Variants in SV2B observed in about 807,000 individuals in gnomAD.
The protein encoded by SV2B is solute carrier family 22 member B2.
Under a neutral mutation model 73.9 loss-of-function variants are expected in SV2B, and 41 were observed. The ratio of observed to expected loss-of-function variants is 0.56; its 90% confidence interval spans 0.43 to 0.72. SV2B has a LOEUF of 0.72. Among genes scored for constraint, SV2B ranks in the 30% least tolerant of loss-of-function variants. The pLI is 0.00. For synonymous variants in SV2B, 314 were observed against 314.2 expected, an observed-to-expected ratio of 1.00 and a Z score of 0.01; for missense variants, 764 against 857.8, an observed-to-expected ratio of 0.89 and a Z score of 1.37.
intron 1 of SV2B, among the ~76,000 whole-genome samples, chr15:91,155,015 A>AT (rs1253939107): frequency 1.3e-5 from 2 of 152,100 alleles, no homozygotes; most frequent in Non-Finnish European, 2.9e-5. Context: ...CCTATTACTG[A>AT]TTTTTTGTTA....
rs184353264 is a variant in SV2B at position 91,202,155 on chromosome 15, G to A, written c.-391-23718G>A. Among the ~76,000 whole-genome samples the A allele has an allele frequency of 3.5e-3, 535 of 152,124 alleles. 1 individual carries two copies. The highest frequency in any genetic ancestry group is 0.014 in the Middle Eastern group (4 of 294). On this transcript the variant is annotated intron_variant, in intron 1 of 12. Coordinates refer to ENST00000394232, the MANE Select transcript of SV2B (RefSeq NM_001323032.3). ...AAATAGCCCCATCCCTGCCCCCGTC[G>A]CCTCTGGTCTTCCCTAACCTGCTTA... is the stretch of plus-strand genomic sequence containing the variant.
In SV2B at chr15:91,128,184, G is replaced by A. The variant is rs958384293; in HGVS notation, c.-392+27821G>A. Among the ~76,000 whole-genome samples the A allele has an allele frequency of 1.3e-5, 2 of 152,146 alleles. No individual in the cohort carries two copies. The highest frequency in any genetic ancestry group is 2.4e-5 in the African/African-American group (1 of 41,440). Reference sequence around the variant, plus strand: ...TCACCAACTCAGCTCTTTGTGTAGCGGAGATTTTCAGTCCCTCCTGGGAGC... The same window carrying A: ...TCACCAACTCAGCTCTTTGTGTAGCAGAGATTTTCAGTCCCTCCTGGGAGC... On this transcript the variant is annotated intron_variant, in intron 1 of 12. Transcript: ENST00000394232. This position sits in a 1 kb window ranked among gnomAD's most constrained non-coding sequence, Gnocchi z 4.2.
rs759983195 is a variant in SV2B at position 91,251,879 on chromosome 15, A to C, written c.512A>C (p.Lys171Thr). 41 of 1,613,994 alleles carry C rather than the reference A, an allele frequency of 2.5e-5. No individual in the cohort carries two copies. The South Asian group carries it at 4.3e-4, about 17-fold the overall frequency. The change falls in exon 3 of 13, where the codon AAG becomes ACG. Residue 171 changes from lysine to threonine, a missense_variant. Lys to Thr is a moderately conservative substitution (Grantham distance 78, BLOSUM62 -1). Transcript: ENST00000394232. Reference sequence around the variant, plus strand: ...TTCATCCTGGGAGGCCTGGCTGATAAGCTGGGAAGGAAGCGAGTCCTCAGC... The same window carrying C: ...TTCATCCTGGGAGGCCTGGCTGATACGCTGGGAAGGAAGCGAGTCCTCAGC... ...GAFILGGLADKLGRKRVLSMS... is the reference protein window; with the variant it reads ...GAFILGGLADTLGRKRVLSMS...
At chr15:91,204,354 G>A (rs910579477) in intron 1 of SV2B, among the ~76,000 whole-genome samples, 2 of 151,950 alleles carry the variant, frequency 1.3e-5, no homozygotes, top group African/African-American at 2.4e-5. Flanking sequence ...AGCCAACTGC[G>A]GCTAGTGCTA....
At position 91,258,700 on chromosome 15, in the gene SV2B, T is replaced by C. The variant is rs1245518936; in HGVS notation, c.918+146T>C. 8 of 1,201,250 alleles carry C rather than the reference T, an allele frequency of 6.7e-6. No homozygotes were observed. Among genetic ancestry groups the C allele is most frequent in the East Asian group, 5.1e-5 (2 of 39,234 alleles). The allele number at this position is 1,201,250 out of a possible 1,614,324, so 74.4% of individuals were successfully genotyped here. ...CCTGGTCGGCTGACCTCACTCATCA[T>C]TGAATCTGGCACCTGCCGGCTGTGA... On this transcript the variant is annotated intron_variant, in intron 5 of 12. Coordinates refer to ENST00000394232, the MANE Select transcript of SV2B (RefSeq NM_001323032.3). This position sits in a 1 kb window ranked among gnomAD's most constrained non-coding sequence, Gnocchi z 4.7.
intron 1 of SV2B, among the ~76,000 whole-genome samples, chr15:91,154,142 T>A (rs1330175992): frequency 6.8e-6 from 1 of 147,952 alleles, no homozygotes; most frequent in Admixed American, 6.8e-5. Context: ...TATTTGATAT[T>A]AATTTATATT....
chr15:91,288,479 T>TGTA lies in SV2B; in HGVS notation c.1709-1037_1709-1035dup, dbSNP rs1262874180. On this transcript the variant is annotated intron_variant, in intron 11 of 12. Transcript: ENST00000394232. The surrounding 1 kb of genome is among the most constrained non-coding windows in gnomAD (Gnocchi z 5.8). ...GTTAGTAACTGTAGTCACCGTGCTG[T>TGTA]GTAGTAGATCTCGAAAAGTGAGATG... is the stretch of plus-strand genomic sequence containing the variant. Among the ~76,000 whole-genome samples, 5 of 152,098 alleles carry TGTA rather than the reference T, an allele frequency of 3.3e-5. No individual in the cohort carries two copies. The highest frequency in any genetic ancestry group is 1.2e-4 in the African/African-American group (5 of 41,396).
chr15:91,231,400 GTTTTCT>G lies in SV2B; in HGVS notation c.451+4687_451+4692del, dbSNP rs925679367. ...TAGAGGAGCAGAATTTTGAGGATGAGTTTTCTGAATTGGTTCTGGGGTTTCTGGAAT... is the reference window on the plus strand; with the variant it reads ...TAGAGGAGCAGAATTTTGAGGATGAGGAATTGGTTCTGGGGTTTCTGGAAT... On this transcript the variant is annotated intron_variant, in intron 2 of 12. Transcript: ENST00000394232. This position sits in a 1 kb window ranked among gnomAD's most constrained non-coding sequence, Gnocchi z 4.5. Among the ~76,000 whole-genome samples the G allele has an allele frequency of 6.6e-6, 1 of 152,106 alleles. No homozygotes were observed. The highest frequency in any genetic ancestry group is 1.5e-5 in the Non-Finnish European group (1 of 68,014).
chr15:91,287,808 G>A (rs2048911167), intron 11 of SV2B, among the ~76,000 whole-genome samples: 1 of 152,198 alleles, frequency 6.6e-6, no homozygotes, highest in African/African-American at 2.4e-5. Context: ...AAACAAATAA[G>A]GCAGGTGAGG....
intron 1 of SV2B, among the ~76,000 whole-genome samples, chr15:91,109,812 T>A (rs55667733): frequency 1.3e-5 from 2 of 151,926 alleles, no homozygotes; most frequent in Admixed American, 6.6e-5. Context: ...TTGGTCTCAC[T>A]GCAACCTCTG....
At position 91,268,426 on chromosome 15, in the gene SV2B, C is replaced by T; in HGVS notation, c.1209-15C>T. 6.2e-7 allele frequency: 1 copy of T among 1,605,084 alleles called. No homozygotes were observed. The highest frequency in any genetic ancestry group is 8.5e-7 in the Non-Finnish European group (1 of 1,173,042). ...ATCCTGTTGTTGTTGCAACCTTCTGCCTTCTCCACTCCAGTTACTATGGAC... is the reference window on the plus strand; with the variant it reads ...ATCCTGTTGTTGTTGCAACCTTCTGTCTTCTCCACTCCAGTTACTATGGAC... On this transcript the variant is annotated splice_polypyrimidine_tract_variant and intron_variant, in intron 8 of 12. Coordinates refer to ENST00000394232, the MANE Select transcript of SV2B (RefSeq NM_001323032.3). This position sits in a 1 kb window ranked among gnomAD's most constrained non-coding sequence, Gnocchi z 4.4.
At position 91,161,092 on chromosome 15, in the gene SV2B, A is replaced by C. The variant is rs79610182; in HGVS notation, c.-392+60729A>C. On this transcript the variant is annotated intron_variant, in intron 1 of 12. Coordinates refer to ENST00000394232, the MANE Select transcript of SV2B (RefSeq NM_001323032.3). ...ATATTGTATGATTCCATTTATACAAAGTTTCTAGAAAACACCAAACATATG... is the reference window on the plus strand; with the variant it reads ...ATATTGTATGATTCCATTTATACAACGTTTCTAGAAAACACCAAACATATG... Among the ~76,000 whole-genome samples, 356 of 152,322 alleles carry C rather than the reference A, an allele frequency of 2.3e-3. 1 individual carries two copies. The highest frequency in any genetic ancestry group is 8.1e-3 in the African/African-American group (337 of 41,570).
chr15:91,290,921 G>T lies in SV2B; in HGVS notation c.1868+1241G>T, dbSNP rs1241133607. On this transcript the variant is annotated intron_variant, in intron 12 of 12. Transcript: ENST00000394232. The surrounding 1 kb of genome is among the most constrained non-coding windows in gnomAD (Gnocchi z 4.7). ...CCTAGCTGCTCAGGAGGCTGAGGGG[G>T]AGAGCTGCGAGAGCCCCGGGGTTTC... Among the ~76,000 whole-genome samples the T allele has an allele frequency of 6.6e-6, 1 of 151,980 alleles. No homozygotes were observed. The highest frequency in any genetic ancestry group is 1.9e-4 in the East Asian group (1 of 5,184).
chr15:91,223,413 G>A lies in SV2B; in HGVS notation c.-391-2460G>A, dbSNP rs150488806. 3.9e-5 allele frequency among the ~76,000 whole-genome samples: 6 copies of A among 152,334 alleles called. No homozygotes were observed. In the East Asian group the frequency reaches 1.2e-3, roughly 29 times the overall value. On this transcript the variant is annotated intron_variant, in intron 1 of 12. Coordinates refer to ENST00000394232, the MANE Select transcript of SV2B (RefSeq NM_001323032.3). The surrounding 1 kb of genome is among the most constrained non-coding windows in gnomAD (Gnocchi z 4.6). ...TCCACTGCACTTGACATTCACAGCA[G>A]GTCTTTTAACTGAATCAGGTGAGTG...
chr15:91,175,690 A>G lies in SV2B; in HGVS notation c.-391-50183A>G, dbSNP rs560081561. ...TAGACTCATGCTCTTAAAAATGCCT[A>G]TCATGTAAATACATATATATATATA... On this transcript the variant is annotated intron_variant, in intron 1 of 12. Coordinates refer to ENST00000394232, the MANE Select transcript of SV2B (RefSeq NM_001323032.3). Among the ~76,000 whole-genome samples, 40 of 141,638 alleles carry G rather than the reference A, an allele frequency of 2.8e-4. 1 individual carries two copies. In the South Asian group the frequency reaches 8.2e-3, roughly 29 times the overall value. The allele number at this position is 141,638 out of a possible 152,430, so 92.9% of individuals were successfully genotyped here.
intron 1 of SV2B, among the ~76,000 whole-genome samples, chr15:91,145,398 A>G (rs1358273745): frequency 4.6e-5 from 7 of 152,170 alleles, no homozygotes; most frequent in Non-Finnish European, 7.3e-5. Context: ...ATTGATAGAC[A>G]TTTAGGTTGA....
At chr15:91,107,562 T>C (rs534389681) in intron 1 of SV2B, among the ~76,000 whole-genome samples, 177 of 152,184 alleles carry the variant, frequency 1.2e-3, no homozygotes, top group African/African-American at 4.0e-3. Context: ...CTGCCCGCCT[T>C]GGCCTCCCAA....
chr15:91,107,735 AAGT>A (rs2041927725), intron 1 of SV2B, among the ~76,000 whole-genome samples: 1 of 151,968 alleles, frequency 6.6e-6, no homozygotes, highest in Non-Finnish European at 1.5e-5. Context: ...TCAGCCTCCA[AAGT>A]AGCTGGGAAT....
intron 2 of SV2B, 63 bp downstream of exon 2, chr15:91,226,777 A>G (rs988182725): frequency 1.7e-5 from 26 of 1,538,644 alleles, no homozygotes; most frequent in Non-Finnish European, 2.2e-5. Flanking sequence ...TTTATCTAGT[A>G]TCTGTCACTA....
Sources: gnomAD v4.1 joint callset for allele counts (sites outside exome capture counted in the v4.1 genomes callset) on GRCh38, gnomAD v4.1.1 for gene constraint, Gnocchi (gnomAD v3.1) non-coding constraint, MANE v1.5 for transcripts, NCBI Gene and HGNC (gene_info 2026-07-23, HGNC 2026-07-21) for gene names.